The following CDH19 variants were observed in gnomAD, a reference collection of about 807,000 sequenced individuals.
CDH19 encodes the protein cadherin-19.
CDH19 carries 67 observed loss-of-function variants against 64.2 expected under a neutral mutation model. That is an observed-to-expected ratio of 1.04 (90% CI 0.86 to 1.28). The LOEUF (loss-of-function observed/expected upper bound fraction) is 1.28. Ranked by LOEUF, CDH19 falls within the 50% of genes most tolerant of loss-of-function variation. CDH19 has a pLI of 0.00. For synonymous variants in CDH19, 346 were observed against 319.3 expected (o/e 1.08, Z -0.89); for missense variants, 1,030 against 929.0 (o/e 1.11, Z -1.41).
intron 5 of CDH19, among the ~76,000 whole-genome samples, chr18:66,550,527 T>C (rs151017586): frequency 6.6e-6 from 1 of 152,180 alleles, no homozygotes; most frequent in East Asian, 1.9e-4. Context: ...GGGAACATTA[T>C]CCTGCTTTAT....
intron 3 of CDH19, among the ~76,000 whole-genome samples, chr18:66,554,839 C>A (rs962621857): frequency 3.3e-5 from 5 of 151,636 alleles, no homozygotes; most frequent in African/African-American, 7.3e-5. Flanking sequence ...AAATCATAAA[C>A]TTTTCCAAGG....
Position 66,564,224 on chromosome 18 carries a change from T to C in CDH19, c.490+4192A>G, listed in dbSNP as rs1385038670. Reference sequence around the variant, plus strand: ...GATGAAGAATATTAAATTTTCTATATGCTTTTCCAAAAAATGCAACTTAAA... The same window carrying C: ...GATGAAGAATATTAAATTTTCTATACGCTTTTCCAAAAAATGCAACTTAAA... On this transcript the variant is annotated intron_variant, in intron 3 of 11. Coordinates refer to ENST00000262150, the MANE Select transcript of CDH19 (RefSeq NM_021153.4). Among the ~76,000 whole-genome samples, 4 of 151,922 alleles carry C rather than the reference T, an allele frequency of 2.6e-5. No homozygotes were observed. The East Asian group carries it at 5.8e-4, about 22-fold the overall frequency.
chr18:66,520,264 A>T (rs566161413), intron 9 of CDH19, among the ~76,000 whole-genome samples: 65 of 151,884 alleles, frequency 4.3e-4, no homozygotes, highest in African/African-American at 1.4e-3. Context: ...GAGCAGCCTC[A>T]GTTATTAAAC....
In CDH19 at chr18:66,509,221, A is replaced by G; in HGVS notation, c.1602T>C (p.Asn534=). 6.2e-7 allele frequency: 1 copy of G among 1,612,454 alleles called. No homozygotes were observed. The highest frequency in any genetic ancestry group is 8.5e-7 in the Non-Finnish European group (1 of 1,178,984). Reference sequence around the variant, plus strand: ...CTTCTTGAAGGTTAAAACCAGTTCTATTAGTCAAAATGACAGCTGTGTTAT... The same window carrying G: ...CTTCTTGAAGGTTAAAACCAGTTCTGTTAGTCAAAATGACAGCTGTGTTAT... ...NQDNTAVILT[N]RTGFNLQEEP... Residue 534 remains asparagine, a synonymous_variant, in exon 11 of 12, where the codon AAT becomes AAC. Coordinates refer to ENST00000262150, the MANE Select transcript of CDH19 (RefSeq NM_021153.4).
intron 1 of CDH19, among the ~76,000 whole-genome samples, chr18:66,593,837 G>C (rs755586275): frequency 6.6e-6 from 1 of 152,108 alleles, no homozygotes; most frequent in Non-Finnish European, 1.5e-5. Context: ...TGGAGGTTAA[G>C]AATGAAGTTC....
At chr18:66,602,387 TTAA>T (rs1001496733) in intron 1 of CDH19, among the ~76,000 whole-genome samples, 1 of 151,964 alleles carries the variant, frequency 6.6e-6, no homozygotes, top group Non-Finnish European at 1.5e-5. Flanking sequence ...ATCTGGTTTC[TTAA>T]TAATGCATAG....
intron 1 of CDH19, among the ~76,000 whole-genome samples, chr18:66,586,495 T>G (rs988860228): frequency 6.6e-6 from 1 of 151,852 alleles, no homozygotes. Context: ...GGGGAAGTAG[T>G]TAGAGAATAT....
At chr18:66,547,579 A>G (rs1987164289) in intron 5 of CDH19, among the ~76,000 whole-genome samples, 1 of 151,822 alleles carries the variant, frequency 6.6e-6, no homozygotes, top group African/African-American at 2.4e-5. Context: ...ATGTGTGGGT[A>G]CATGAGATGG....
intron 1 of CDH19, among the ~76,000 whole-genome samples, chr18:66,578,053 T>C (rs1334172737): frequency 2.0e-5 from 3 of 151,928 alleles, no homozygotes; most frequent in Non-Finnish European, 4.4e-5. Context: ...AAAGTCCACT[T>C]GGATAATACA....
Position 66,553,717 on chromosome 18 carries a change from G to T in CDH19, c.610+688C>A, listed in dbSNP as rs1049550815. ...CTTCTAAAGGAAAAAAAATTACATGGGCCTAATCTTTGTTTAAAACACAAA... is the reference window on the plus strand; with the variant it reads ...CTTCTAAAGGAAAAAAAATTACATGTGCCTAATCTTTGTTTAAAACACAAA... On this transcript the variant is annotated intron_variant, in intron 4 of 11. Coordinates refer to ENST00000262150, the MANE Select transcript of CDH19 (RefSeq NM_021153.4). Among the ~76,000 whole-genome samples, 8 of 132,594 alleles carry T rather than the reference G, an allele frequency of 6.0e-5. 3 individuals carry two copies. The highest frequency in any genetic ancestry group is 2.8e-4 in the African/African-American group (8 of 28,502). The allele number at this position is 132,594 out of a possible 152,430, so 87.0% of individuals were successfully genotyped here. A position where few individuals can be genotyped will look rare whatever the true frequency, so the allele number is the denominator to read the frequency against.
At chr18:66,577,922 C>T (rs2144595228) in intron 1 of CDH19, among the ~76,000 whole-genome samples, 1 of 152,020 alleles carries the variant, frequency 6.6e-6, no homozygotes, top group Middle Eastern at 3.4e-3. Flanking sequence ...GTTCATATTC[C>T]ACCTCTAGGC....
chr18:66,579,376 G>A (rs976197878), intron 1 of CDH19, among the ~76,000 whole-genome samples: 3 of 152,040 alleles, frequency 2.0e-5, no homozygotes, highest in African/African-American at 7.2e-5. Flanking sequence ...AGTAAACAAA[G>A]TAAAAGGAAA....
At chr18:66,558,434 C>A (rs13381151) in intron 3 of CDH19, among the ~76,000 whole-genome samples, 2,917 of 151,528 alleles carry the variant, frequency 0.019, 102 homozygotes, top group African/African-American at 0.067. Flanking sequence ...ATTTTAAATC[C>A]TCTTGGATTG....
At chr18:66,507,798 CAA>C (rs960767980) in intron 11 of CDH19, among the ~76,000 whole-genome samples, 12 of 151,684 alleles carry the variant, frequency 7.9e-5, no homozygotes, top group Admixed American at 6.6e-4. Context: ...TTTTAATTGA[CAA>C]AAACATATAC....
chr18:66,568,531 TC>T lies in CDH19; in HGVS notation c.374del (p.Gly125GlufsTer25). On this transcript the variant is annotated frameshift_variant, in exon 3 of 12. Coordinates refer to ENST00000262150, the MANE Select transcript of CDH19 (RefSeq NM_021153.4). LOFTEE classifies it high-confidence loss of function. Reference protein sequence around the residue: ...LRAQVIDIATGRAVEPESEFV... With the variant: ...LRAQVIDIATXRAVEPESEFV... ...ACTCAGACTCAGGTTCCACAGCCCT[TC>T]CAGTAGCGATGTCTATTACCTGGGC... 1 of 1,612,316 alleles carries T rather than the reference TC, an allele frequency of 6.2e-7. No individual in the cohort carries two copies. The highest frequency in any genetic ancestry group is 8.5e-7 in the Non-Finnish European group (1 of 1,178,910).
intron 7 of CDH19, among the ~76,000 whole-genome samples, chr18:66,537,866 C>T (rs551303929): frequency 2.2e-4 from 34 of 152,090 alleles, no homozygotes; most frequent in African/African-American, 7.9e-4. Flanking sequence ...TATACCCATG[C>T]GTACAAACAC....
chr18:66,550,985 T>A, intron 5 of CDH19, 109 bp downstream of exon 5: 1 of 535,314 alleles, frequency 1.9e-6, no homozygotes, highest in Non-Finnish European at 3.2e-6. Context: ...TTATTTTATA[T>A]AATTTTAGTG....
chr18:66,530,354 C>T (rs554203834), intron 8 of CDH19, among the ~76,000 whole-genome samples: 536 of 151,920 alleles, frequency 3.5e-3, no homozygotes, highest in Non-Finnish European at 4.7e-3. Flanking sequence ...CCCAATTTTA[C>T]GGATAAAAAA....
intron 11 of CDH19, among the ~76,000 whole-genome samples, chr18:66,506,108 T>C (rs1985186100): frequency 6.6e-6 from 1 of 151,904 alleles, no homozygotes; most frequent in Non-Finnish European, 1.5e-5. Flanking sequence ...ATACATGGAA[T>C]CTAAAAAAGT....
Sources: gnomAD v4.1 joint callset for allele counts (sites outside exome capture counted in the v4.1 genomes callset) on GRCh38, gnomAD v4.1.1 for gene constraint, MANE v1.5 for transcripts, NCBI Gene and HGNC (gene_info 2026-07-23, HGNC 2026-07-21) for gene names.